KPNA4: variants seen among roughly 807,000 people sequenced by gnomAD.
KPNA4 encodes karyopherin subunit alpha 4, also known as importin subunit alpha-3.
In KPNA4, 13 loss-of-function variants were observed where a neutral mutation model predicts 71.3. The observed-to-expected ratio is 0.18, with a 90% CI of 0.12 to 0.29. The LOEUF is 0.29. KPNA4 is among the 10% of genes least tolerant of loss of function. The pLI, the probability that KPNA4 is intolerant of heterozygous loss-of-function variation, is 1.00. For missense variants in KPNA4, 334 were observed against 603.2 expected (o/e 0.55, Z 4.67); for synonymous variants, 189 against 195.2 (o/e 0.97, Z 0.26).
chr3:160,519,801 C>CAAAAAAAAAAAAAAAAAAA (rs558355699), intron 11 of KPNA4, among the ~76,000 whole-genome samples: 6 of 83,692 alleles, frequency 7.2e-5, no homozygotes, highest in South Asian at 4.3e-4. Flanking sequence ...GACTCCGTCT[C>CAAAAAAAAAAAAAAAAAAA]AAAAAAAAAA....
intron 16 of KPNA4, among the ~76,000 whole-genome samples, chr3:160,502,707 A>G (rs566973401): frequency 5.5e-4 from 84 of 152,292 alleles, no homozygotes; most frequent in Middle Eastern, 3.4e-3. Flanking sequence ...ATGAGAAAAA[A>G]GAGAATATGT....
At chr3:160,530,741 C>A (rs926301748) in intron 7 of KPNA4, 114 bp downstream of exon 7, 2 of 687,186 alleles carry the variant, frequency 2.9e-6, no homozygotes, top group Non-Finnish European at 5.0e-6. Context: ...TCAATAACTA[C>A]GTAGTAGCTA....
intron 1 of KPNA4, among the ~76,000 whole-genome samples, chr3:160,562,747 C>CG (rs1722271437): frequency 6.6e-6 from 1 of 152,128 alleles, no homozygotes; most frequent in Non-Finnish European, 1.5e-5. Context: ...ACAAGGATAT[C>CG]AAAGTCATCA....
chr3:160,499,468 A>T lies in KPNA4; in HGVS notation c.*2636T>A, dbSNP rs1424776430. ...TGTGTTAAAAATGAAACAATTTCCT[A>T]GATCACTGGAGAATTAAAAAAAAAA... On this transcript the variant is annotated 3_prime_UTR_variant, in exon 17 of 17. Coordinates refer to ENST00000334256, the MANE Select transcript of KPNA4 (RefSeq NM_002268.5). The T allele has an allele frequency of 6.8e-6, 1 of 147,824 alleles. No homozygotes were observed. Among genetic ancestry groups the T allele is most frequent in the Non-Finnish European group, 1.5e-5 (1 of 66,350 alleles). 9.2% of individuals were successfully genotyped at this position (147,824 alleles called of 1,614,324 possible).
chr3:160,537,010 T>A (rs1337692728), intron 1 of KPNA4, among the ~76,000 whole-genome samples, 170 bp from the exon 2 acceptor site: 1 of 152,084 alleles, frequency 6.6e-6, no homozygotes, highest in Non-Finnish European at 1.5e-5. Context: ...TGATTTTCAA[T>A]CTTCATTTCC....
intron 1 of KPNA4, among the ~76,000 whole-genome samples, chr3:160,561,326 T>A (rs1166068720): frequency 6.6e-6 from 1 of 152,054 alleles, no homozygotes; most frequent in Non-Finnish European, 1.5e-5. Flanking sequence ...ATTTACTTTA[T>A]CCTGACAAGT....
chr3:160,539,843 CTTCTT>C (rs1721762676), intron 1 of KPNA4, among the ~76,000 whole-genome samples: 1 of 152,068 alleles, frequency 6.6e-6, no homozygotes, highest in Non-Finnish European at 1.5e-5. Context: ...TGGGCTTTAA[CTTCTT>C]TTCATTAGAG....
rs1290324517 is a variant in KPNA4 at position 160,499,052 on chromosome 3, T to A, written c.*3052A>T. ...TTATACCTTTAAAGAAACAAACAAC[T>A]CCTCACCCTATGAAGTGCTGCTGAG... On this transcript the variant is annotated 3_prime_UTR_variant, in exon 17 of 17. Coordinates refer to ENST00000334256, the MANE Select transcript of KPNA4 (RefSeq NM_002268.5). 1 of 152,094 alleles carries A rather than the reference T, an allele frequency of 6.6e-6. No homozygotes were observed. Among genetic ancestry groups the A allele is most frequent in the Non-Finnish European group, 1.5e-5 (1 of 68,020 alleles). The allele number at this position is 152,094 out of a possible 1,614,324, so 9.4% of individuals were successfully genotyped here.
intron 8 of KPNA4, among the ~76,000 whole-genome samples, chr3:160,526,385 G>A (rs1025384975): frequency 3.9e-5 from 6 of 152,080 alleles, no homozygotes; most frequent in African/African-American, 1.4e-4. Flanking sequence ...AATACTCTTG[G>A]TTTAACAAAC....
chr3:160,529,788 T>A (rs1205917049), intron 7 of KPNA4, among the ~76,000 whole-genome samples: 1 of 148,410 alleles, frequency 6.7e-6, no homozygotes, highest in Admixed American at 6.7e-5. Context: ...GAAAAAAAAA[T>A]TCGAGCCATT....
At chr3:160,560,712 A>T (rs890984574) in intron 1 of KPNA4, among the ~76,000 whole-genome samples, 3 of 152,040 alleles carry the variant, frequency 2.0e-5, no homozygotes, top group African/African-American at 7.2e-5. Context: ...GCATCTTGGT[A>T]TCTCCAGGAA....
At chr3:160,531,798 C>T (rs1284322414) in intron 5 of KPNA4, among the ~76,000 whole-genome samples, 1 of 151,962 alleles carries the variant, frequency 6.6e-6, no homozygotes, top group Admixed American at 6.6e-5. Context: ...CACTTTACTA[C>T]CTTTTTTTTT....
rs538504120 is a variant in KPNA4 at position 160,532,734 on chromosome 3, T to TATTTA, written c.288-1182_288-1178dup. Among the ~76,000 whole-genome samples the TATTTA allele has an allele frequency of 1.8e-4, 27 of 152,320 alleles. No homozygotes were observed. The East Asian group carries it at 4.0e-3, about 23-fold the overall frequency. On this transcript the variant is annotated intron_variant, in intron 5 of 16. Transcript: ENST00000334256. ...CTATATAAACTATGTGATGGCTGCT[T>TATTTA]ATTTACTACCTTTATCAATGTAAAC...
At chr3:160,559,218 A>G (rs1722197664) in intron 1 of KPNA4, among the ~76,000 whole-genome samples, 1 of 152,232 alleles carries the variant, frequency 6.6e-6, no homozygotes, top group African/African-American at 2.4e-5. Context: ...AACCATTTAT[A>G]GCATTTATTG....
Position 160,498,401 on chromosome 3 carries a change from T to C in KPNA4, c.*3703A>G, listed in dbSNP as rs1402450201. ...AGATGGCTCCCAAGATTCCCTGGTA[T>C]ACATACTCCATATAACCCCCTCCCT... On this transcript the variant is annotated 3_prime_UTR_variant, in exon 17 of 17. Transcript: ENST00000334256. The C allele has an allele frequency of 6.6e-6, 1 of 152,136 alleles. No individual in the cohort carries two copies. The allele number at this position is 152,136 out of a possible 1,614,324, so 9.4% of individuals were successfully genotyped here.
At chr3:160,511,857 C>A (rs1721101662) in intron 13 of KPNA4, among the ~76,000 whole-genome samples, 1 of 151,252 alleles carries the variant, frequency 6.6e-6, no homozygotes, top group South Asian at 2.1e-4. Context: ...TCTATACATA[C>A]CAAAATGTAA....
At position 160,565,434 on chromosome 3, in the gene KPNA4, C is replaced by T; in HGVS notation, c.-152G>A. The T allele has an allele frequency of 1.6e-6, 1 of 625,076 alleles. No individual in the cohort carries two copies. Among genetic ancestry groups the T allele is most frequent in the Non-Finnish European group, 2.8e-6 (1 of 359,582 alleles). 38.7% of individuals were successfully genotyped at this position (625,076 alleles called of 1,614,324 possible). ...TTCCTCCTCTCACCTGCCTCCGCCG[C>T]GGCCTTCTCCTCTCCCCGCCCGCCC... On this transcript the variant is annotated 5_prime_UTR_variant, in exon 1 of 17. Transcript: ENST00000334256.
chr3:160,565,236 T>C lies in KPNA4; in HGVS notation c.47A>G (p.Lys16Arg). 1 of 1,609,924 alleles carries C rather than the reference T, an allele frequency of 6.2e-7. No homozygotes were observed. ...KLDNQRLKNF[K>R]NKGRDLETMR... Reference sequence around the variant, plus strand: ...TACCTCCAAGTCGCGGCCTTTGTTCTTGAAATTCTTGAGCCGTTGGTTGTC... The same window carrying C: ...TACCTCCAAGTCGCGGCCTTTGTTCCTGAAATTCTTGAGCCGTTGGTTGTC... Residue 16 changes from lysine (K) to arginine (R), a missense_variant, in exon 1 of 17, where the codon AAG becomes AGG. By Grantham distance (26) the Lys-to-Arg change is conservative. Coordinates refer to ENST00000334256, the MANE Select transcript of KPNA4 (RefSeq NM_002268.5).
chr3:160,561,701 A>G (rs1033986050), intron 1 of KPNA4, among the ~76,000 whole-genome samples: 16 of 152,060 alleles, frequency 1.1e-4, no homozygotes, highest in African/African-American at 3.9e-4. Flanking sequence ...CTGCCCTTCA[A>G]TGAGCAGCTA....
Sources: gnomAD v4.1 joint callset for allele counts (sites outside exome capture counted in the v4.1 genomes callset) on GRCh38, gnomAD v4.1.1 for gene constraint, MANE v1.5 for transcripts, NCBI Gene and HGNC (gene_info 2026-07-23, HGNC 2026-07-21) for gene names.